The following USP53 variants were observed in gnomAD, a reference collection of about 807,000 sequenced individuals.
USP53 encodes ubiquitin specific peptidase 53.
In USP53, 71 loss-of-function variants were observed where a neutral mutation model predicts 94.9. The observed-to-expected ratio is 0.75, with a 90% CI of 0.62 to 0.91. The LOEUF (loss-of-function observed/expected upper bound fraction) is 0.91. USP53 is among the 40% of genes least tolerant of loss of function. USP53 has a pLI of 0.00. For missense variants in USP53, 1,173 were observed against 1,281.0 expected (o/e 0.92, Z 1.29); for synonymous variants, 375 against 422.7 (o/e 0.89, Z 1.39).
At chr4:119,247,510 G>T (rs747376154) in intron 6 of USP53, among the ~76,000 whole-genome samples, 62 of 152,012 alleles carry the variant, frequency 4.1e-4, no homozygotes, top group Middle Eastern at 3.4e-3. Flanking sequence ...TCCTATCCCC[G>T]TTACACTGCT....
At position 119,271,352 on chromosome 4, in the gene USP53, G is replaced by A. The variant is rs749092229; in HGVS notation, c.1492G>A (p.Gly498Ser). The A allele has an allele frequency of 1.2e-6, 2 of 1,601,428 alleles. No homozygotes were observed. Among genetic ancestry groups the A allele is most frequent in the African/African-American group, 1.3e-5 (1 of 74,082 alleles). ...FQSGSPPAPN[G>S]FKQHGNPHLY... The stretch of plus-strand genomic sequence containing the variant: ...ATCTGGATCACCTCCTGCCCCAAAT[G>A]GTTTTAAACAACATGGGAATCCACA... Residue 498 changes from glycine to serine, a missense_variant, in exon 16 of 19, where the codon GGT becomes AGT. By Grantham distance (56) the Gly-to-Ser change is moderately conservative. Coordinates refer to ENST00000692078, the MANE Select transcript of USP53 (RefSeq NM_001371395.1).
At chr4:119,232,841 ACTTT>A (rs1746246591) in intron 3 of USP53, among the ~76,000 whole-genome samples, 1 of 152,078 alleles carries the variant, frequency 6.6e-6, no homozygotes, top group East Asian at 1.9e-4. Context: ...ATTTGGGGTT[ACTTT>A]CTATTTCATT....
chr4:119,273,492 TTTAAGTA>T, intron 16 of USP53, 133 bp from the exon 17 acceptor site: 1 of 535,992 alleles, frequency 1.9e-6, no homozygotes, highest in Non-Finnish European at 3.3e-6. Context: ...AACAACTACT[TTTAAGTA>T]TTAAATAATG....
At chr4:119,223,785 T>A (rs1159388890) in intron 3 of USP53, among the ~76,000 whole-genome samples, 1 of 152,184 alleles carries the variant, frequency 6.6e-6, no homozygotes, top group Non-Finnish European at 1.5e-5. Flanking sequence ...CTCTACTACT[T>A]ACAGTCTCTA....
chr4:119,292,961 G>GT lies in USP53; in HGVS notation c.2976dup (p.Gly993TrpfsTer13). ...AAAGAAACATTTCAAGTGAGAGAAT[G>GT]TTTTGGCAACACACCAAACTGTCCA... On this transcript the variant is annotated frameshift_variant, in exon 19 of 19. Transcript: ENST00000692078. LOFTEE classifies it low-confidence loss of function (END_TRUNC). 1 of 1,614,092 alleles carries GT rather than the reference G, an allele frequency of 6.2e-7. No homozygotes were observed. The highest frequency in any genetic ancestry group is 8.5e-7 in the Non-Finnish European group (1 of 1,179,970).
intron 3 of USP53, chr4:119,217,965 G>A (rs1744026643): frequency 6.6e-6 from 1 of 152,190 alleles, no homozygotes; most frequent in Non-Finnish European, 1.5e-5. Flanking sequence ...GTGACATTAT[G>A]ATTTAATTTT....
intron 12 of USP53, among the ~76,000 whole-genome samples, chr4:119,265,225 T>C (rs751071887): frequency 3.6e-4 from 55 of 152,346 alleles, no homozygotes; most frequent in Non-Finnish European, 4.0e-4. Context: ...ATAATTTTAC[T>C]TCATATAGTA....
chr4:119,292,349 A>C lies in USP53; in HGVS notation c.2360A>C (p.His787Pro). 1 of 1,599,704 alleles carries C rather than the reference A, an allele frequency of 6.3e-7. No homozygotes were observed. Among genetic ancestry groups the C allele is most frequent in the Admixed American group, 1.7e-5 (1 of 57,212 alleles). The change falls in exon 19 of 19, where the codon CAT (histidine) becomes CCT (proline). Residue 787 changes from histidine to proline, a missense_variant. Transcript: ENST00000692078. ...KNHLIKRSHVHEDNGKLFPSS... is the reference protein window; with the variant it reads ...KNHLIKRSHVPEDNGKLFPSS... ...TTTTCATATTTCAGATCACATGTAC[A>C]TGAAGACAATGGAAAGTTATTTCCT...
intron 12 of USP53, among the ~76,000 whole-genome samples, chr4:119,262,347 T>C (rs1270739885): frequency 6.6e-6 from 1 of 152,166 alleles, no homozygotes; most frequent in Non-Finnish European, 1.5e-5. Flanking sequence ...TTGAACAACA[T>C]AGGAGTGCCA....
intron 3 of USP53, chr4:119,218,483 G>T (rs1468011595): frequency 3.9e-5 from 6 of 152,122 alleles, no homozygotes; most frequent in Admixed American, 3.9e-4. Flanking sequence ...TAGACACAAA[G>T]AAATAGAGCA....
chr4:119,284,851 G>A (rs749366976), intron 17 of USP53, among the ~76,000 whole-genome samples: 11 of 151,852 alleles, frequency 7.2e-5, no homozygotes, highest in Non-Finnish European at 1.5e-4. Context: ...AGTTCTTAGA[G>A]CAATGTGCTT....
In USP53 at chr4:119,292,576, T is replaced by C. The variant is rs748488771; in HGVS notation, c.2587T>C (p.Trp863Arg). 4.3e-6 allele frequency: 7 copies of C among 1,614,114 alleles called. No individual in the cohort carries two copies. The highest frequency in any genetic ancestry group is 1.1e-5 in the South Asian group (1 of 91,076). Reference sequence around the variant, plus strand: ...GAACAGTAATGAACCATCTTCATTATGGTCTTCACACCTAAGAACTGTTGG... The same window carrying C: ...GAACAGTAATGAACCATCTTCATTACGGTCTTCACACCTAAGAACTGTTGG... The part of the protein sequence containing the change: ...RVNSNEPSSL[W>R]SSHLRTVGLK... Residue 863 changes from tryptophan (W) to arginine (R), a missense_variant, in exon 19 of 19, where the codon TGG becomes CGG. Transcript: ENST00000692078.
intron 6 of USP53, among the ~76,000 whole-genome samples, chr4:119,248,061 A>G (rs1455662535): frequency 6.6e-6 from 1 of 152,154 alleles, no homozygotes; most frequent in African/African-American, 2.4e-5. Flanking sequence ...GCTGTCATTG[A>G]AAACTTTTCT....
intron 17 of USP53, among the ~76,000 whole-genome samples, chr4:119,283,360 G>T (rs1753721863): frequency 6.6e-6 from 1 of 151,902 alleles, no homozygotes; most frequent in Non-Finnish European, 1.5e-5. Flanking sequence ...ATGGCAACAG[G>T]GATAGAAGCG....
At chr4:119,245,030 C>T (rs1336969321) in intron 5 of USP53, among the ~76,000 whole-genome samples, 2 of 152,074 alleles carry the variant, frequency 1.3e-5, no homozygotes, top group Non-Finnish European at 2.9e-5. Flanking sequence ...TTTAGTATTC[C>T]TTGTTTCCTG....
At chr4:119,226,333 A>C (rs1745248402) in intron 3 of USP53, among the ~76,000 whole-genome samples, 1 of 152,258 alleles carries the variant, frequency 6.6e-6, no homozygotes, top group South Asian at 2.1e-4. Context: ...AAGTAGGGCA[A>C]GAACAAGATG....
At chr4:119,249,992 T>C (rs1429277250) in intron 7 of USP53, among the ~76,000 whole-genome samples, 1 of 152,126 alleles carries the variant, frequency 6.6e-6, no homozygotes, top group Admixed American at 6.5e-5. Flanking sequence ...ATAACCACCA[T>C]ATCAATATGA....
chr4:119,213,370 G>C (rs1190989545), intron 1 of USP53, among the ~76,000 whole-genome samples: 1 of 152,082 alleles, frequency 6.6e-6, no homozygotes, highest in Non-Finnish European at 1.5e-5. Flanking sequence ...TCTTGGGGTG[G>C]TGGTTTCTCA....
At chr4:119,243,966 T>G (rs1035863386) in intron 5 of USP53, among the ~76,000 whole-genome samples, 1 of 152,154 alleles carries the variant, frequency 6.6e-6, no homozygotes, top group Non-Finnish European at 1.5e-5. Context: ...AAGTACTACA[T>G]TTGTCTTTAT....
Sources: gnomAD v4.1 joint callset for allele counts (sites outside exome capture counted in the v4.1 genomes callset) on GRCh38, gnomAD v4.1.1 for gene constraint, MANE v1.5 for transcripts, NCBI Gene and HGNC (gene_info 2026-07-23, HGNC 2026-07-21) for gene names.